The following UPRT variants were observed in gnomAD, a reference collection of about 807,000 sequenced individuals.
The protein encoded by UPRT is uracil phosphoribosyltransferase homolog.
Under a neutral mutation model 22.6 loss-of-function variants are expected in UPRT, and 5 were observed. The ratio of observed to expected loss-of-function variants is 0.22; its 90% confidence interval spans 0.12 to 0.47. The LOEUF is 0.47. Ranked by LOEUF, UPRT falls within the 20% of genes least tolerant of loss-of-function variation. The pLI is 0.99. For synonymous variants in UPRT, 77 were observed against 87.7 expected (o/e 0.88, Z 0.68); for missense variants, 181 against 239.9 (o/e 0.75, Z 1.62).
intron 4 of UPRT, among the ~76,000 whole-genome samples, chrX:75,233,263 C>A (rs2082446263): frequency 1.8e-5 from 2 of 110,116 alleles, no homozygotes; most frequent in Admixed American, 9.7e-5. Context: ...ATGAGCAAAG[C>A]CTCCAAGAAA....
chrX:75,263,353 C>CT (rs900553493), intron 4 of UPRT, among the ~76,000 whole-genome samples: 5 of 111,274 alleles, frequency 4.5e-5, no homozygotes, highest in African/African-American at 1.6e-4. Context: ...TGGCCCTGTA[C>CT]TTTTTTTGGT....
At chrX:75,268,374 T>C (rs758690912) in intron 4 of UPRT, among the ~76,000 whole-genome samples, 3 of 111,324 alleles carry the variant, frequency 2.7e-5, no homozygotes, top group East Asian at 5.7e-4. Flanking sequence ...TTCCAAACAA[T>C]AGAAAAAGAG....
intron 4 of UPRT, among the ~76,000 whole-genome samples, chrX:75,182,685 T>C (rs887831799): frequency 8.9e-6 from 1 of 111,743 alleles, no homozygotes; most frequent in Non-Finnish European, 1.9e-5. Flanking sequence ...ATTTGTGGGG[T>C]CAGATAATGT....
chrX:75,249,710 C>A (rs1232831290), intron 4 of UPRT, among the ~76,000 whole-genome samples: 1 of 111,454 alleles, frequency 9.0e-6, no homozygotes, highest in Admixed American at 9.6e-5. Context: ...CCAAGCGGAC[C>A]TAATAGACAC....
intron 4 of UPRT, among the ~76,000 whole-genome samples, chrX:75,267,696 T>C (rs942633560): frequency 4.5e-5 from 5 of 112,047 alleles, no homozygotes; most frequent in Non-Finnish European, 7.5e-5. Context: ...GGAATAAAGA[T>C]TTTCTTTGAA....
At chrX:75,200,009 C>T (rs2082343376) in intron 4 of UPRT, among the ~76,000 whole-genome samples, 1 of 111,912 alleles carries the variant, frequency 8.9e-6, no homozygotes, top group African/African-American at 3.2e-5. Context: ...CATATCTTTC[C>T]ACCTCCCAAA....
intron 1 of UPRT, among the ~76,000 whole-genome samples, chrX:75,289,324 A>G (rs760876624): frequency 5.4e-5 from 6 of 111,892 alleles, no homozygotes; most frequent in Non-Finnish European, 9.4e-5. Flanking sequence ...CAGTAGAAAA[A>G]CATTTCATGT....
chrX:75,244,930 CTAAT>C lies in UPRT; in HGVS notation c.-446-46090_-446-46087del, dbSNP rs771014692. ...AAACACAAAAATTGACAAATGGGAT[CTAAT>C]TAAACTGAAGATCTTCTGCACAGCA... On this transcript the variant is annotated intron_variant, in intron 4 of 13. Transcript: ENST00000652605. 4.0e-4 allele frequency among the ~76,000 whole-genome samples: 44 copies of C among 111,106 alleles called. No homozygotes were observed. The East Asian group carries it at 0.012, about 30-fold the overall frequency.
chrX:75,247,946 G>A (rs1344583692), intron 4 of UPRT, among the ~76,000 whole-genome samples: 1 of 111,976 alleles, frequency 8.9e-6, no homozygotes, highest in Non-Finnish European at 1.9e-5. Flanking sequence ...CATTGTTGCT[G>A]ATGCCCAGGC....
intron 4 of UPRT, among the ~76,000 whole-genome samples, chrX:75,176,028 C>T (rs1011011652): frequency 9.0e-6 from 1 of 111,353 alleles, no homozygotes; most frequent in African/African-American, 3.3e-5. Flanking sequence ...ATCAATTGAC[C>T]CTCGAGTGAT....
At chrX:75,274,775 G>GGGGTGT (rs2082624621) in intron 1 of UPRT, 135 bp downstream of exon 1, 3 of 361,674 alleles carry the variant, frequency 8.3e-6, no homozygotes, top group African/African-American at 6.0e-5. Flanking sequence ...CCTTTTATTT[G>GGGGTGT]GTGTGTGTGT....
rs779087791 is a variant in UPRT, at chrX:75,260,880, G to A, written c.-446-30144G>A. ...AAAGCACTCCTCAGCAAATGTAAAA[G>A]AACAGAAATCACAACAAACTGTCTC... On this transcript the variant is annotated intron_variant, in intron 4 of 13. Coordinates refer to the UPRT transcript ENST00000652605. Among the ~76,000 whole-genome samples, 23 of 111,927 alleles carry A rather than the reference G, an allele frequency of 2.1e-4. 1 individual carries two copies. The South Asian group carries it at 8.6e-3, about 42-fold the overall frequency.
At chrX:75,293,190 C>T (rs1447355859) in intron 1 of UPRT, among the ~76,000 whole-genome samples, 1 of 110,944 alleles carries the variant, frequency 9.0e-6, no homozygotes, top group Non-Finnish European at 1.9e-5. Context: ...GTTCATCTCC[C>T]GGTTGACTAA....
intron 4 of UPRT, among the ~76,000 whole-genome samples, chrX:75,217,477 T>C (rs2082396566): frequency 9.0e-6 from 1 of 111,611 alleles, no homozygotes; most frequent in Non-Finnish European, 1.9e-5. Context: ...CTCTTTTATT[T>C]CCTTGAGCAG....
At chrX:75,229,316 G>A (rs2082431460) in intron 4 of UPRT, among the ~76,000 whole-genome samples, 1 of 111,477 alleles carries the variant, frequency 9.0e-6, no homozygotes, top group African/African-American at 3.3e-5. Flanking sequence ...AGGAAACCTG[G>A]AAAAAAGCAA....
intron 4 of UPRT, among the ~76,000 whole-genome samples, chrX:75,203,423 A>T (rs767637131): frequency 1.8e-5 from 2 of 109,227 alleles, no homozygotes; most frequent in East Asian, 5.8e-4. Flanking sequence ...TCAGGACTTG[A>T]ACTCAGCTCT....
intron 4 of UPRT, among the ~76,000 whole-genome samples, chrX:75,180,911 A>C (rs4892554): frequency 9.3e-6 from 1 of 108,056 alleles, no homozygotes; most frequent in Non-Finnish European, 1.9e-5. Context: ...ATTGCCTTTG[A>C]CATCTTCATC....
At chrX:75,272,347 C>CATATATATGTGTAT (rs1569279529), upstream of UPRT, among the ~76,000 whole-genome samples, 538 of 81,275 alleles carry the variant, frequency 6.6e-3, 23 homozygotes, top group African/African-American at 0.022. Flanking sequence ...TATATATACA[C>CATATATATGTGTAT]ATATATATAT....
intron 1 of UPRT, among the ~76,000 whole-genome samples, chrX:75,285,848 A>G (rs1056586670): frequency 9.0e-6 from 1 of 111,144 alleles, no homozygotes; most frequent in Non-Finnish European, 1.9e-5. Context: ...TAGTAACATA[A>G]TATTATTTTT....
Sources: allele counts gnomAD v4.1 joint callset (sites outside exome capture counted in the v4.1 genomes callset), GRCh38; gene constraint gnomAD v4.1.1; transcripts MANE v1.5; gene names NCBI Gene and HGNC (gene_info 2026-07-23, HGNC 2026-07-21).